DLEC1: variants seen among roughly 807,000 people sequenced by gnomAD.
DLEC1 encodes deleted in lung and esophageal cancer protein 1.
Under a neutral mutation model 198.1 loss-of-function variants are expected in DLEC1, and 146 were observed. The observed-to-expected ratio is 0.74, with a 90% CI of 0.64 to 0.85. The LOEUF (loss-of-function observed/expected upper bound fraction) is 0.85. DLEC1 is among the 40% of genes least tolerant of loss of function. DLEC1 has a pLI of 0.00. For synonymous variants in DLEC1, 897 were observed against 866.8 expected (o/e 1.03, Z -0.61); for missense variants, 2,233 against 2,220.0 (o/e 1.01, Z -0.12).
chr3:38,042,023 C>T (rs545861631), intron 1 of DLEC1, among the ~76,000 whole-genome samples: 241 of 152,030 alleles, frequency 1.6e-3, no homozygotes, highest in Non-Finnish European at 2.9e-3. Context: ...GGCAGAGTCT[C>T]GCTCTGTTGC....
In DLEC1 at chr3:38,110,771, G is replaced by GACAC. The variant is rs139450212; in HGVS notation, c.3443+507_3443+510dup. Among the ~76,000 whole-genome samples the GACAC allele has an allele frequency of 2.2e-3, 324 of 149,704 alleles. 1 individual carries two copies. Among genetic ancestry groups the GACAC allele is most frequent in the African/African-American group, 7.6e-3 (313 of 41,016 alleles). On this transcript the variant is annotated intron_variant, in intron 23 of 36. Transcript: ENST00000308059. ...CAAGATCTAGAGTGCTGCTTACACA[G>GACAC]ACACACACACACACACACACGTACA...
rs763830061 is a variant in DLEC1, at chr3:38,100,399, G to C, written c.2838G>C (p.Glu946Asp). The C allele has an allele frequency of 3.1e-6, 5 of 1,613,376 alleles. No homozygotes were observed. Among genetic ancestry groups the C allele is most frequent in the Non-Finnish European group, 4.2e-6 (5 of 1,179,880 alleles). ...GCCAGCATCTGGAGACCGTCCTGGA[G>C]CTGGAGGTGGAAAATGGTGCCTGGA... ...LHCQHLETVL[E>D]LEVENGAWSY... Residue 946 changes from glutamate to aspartate, a missense_variant, in exon 19 of 37, where the codon GAG (glutamate) becomes GAC (aspartate). Physicochemically the swap from Glu to Asp is conservative, Grantham distance 45. Transcript: ENST00000308059.
At position 38,085,267 on chromosome 3, in the gene DLEC1, T is replaced by G. The variant is rs1005324786; in HGVS notation, c.1262-7T>G. On this transcript the variant is annotated splice_polypyrimidine_tract_variant and splice_region_variant and intron_variant, in intron 7 of 36. Coordinates refer to ENST00000308059, the MANE Select transcript of DLEC1 (RefSeq NM_007335.4). ...GGATCCTCACTTGTCACTTTTGTCA[T>G]GCACAGGGATGTTCCCAGGAAAAGG... is the stretch of plus-strand genomic sequence containing the variant. The G allele has an allele frequency of 1.9e-6, 3 of 1,613,978 alleles. No individual in the cohort carries two copies. Among genetic ancestry groups the G allele is most frequent in the African/African-American group, 1.3e-5 (1 of 74,924 alleles).
intron 26 of DLEC1, 102 bp from the exon 27 acceptor site, chr3:38,114,879 CTG>C (rs1445183290): frequency 2.0e-6 from 2 of 984,578 alleles, no homozygotes; most frequent in Non-Finnish European, 3.1e-6. Flanking sequence ...GGCCAGACCA[CTG>C]TGGTATTTCC....
Position 38,084,234 on chromosome 3 carries a change from C to T in DLEC1, c.1250C>T (p.Ala417Val). 1 of 1,612,410 alleles carries T rather than the reference C, an allele frequency of 6.2e-7. No homozygotes were observed. Among genetic ancestry groups the T allele is most frequent in the Non-Finnish European group, 8.5e-7 (1 of 1,179,030 alleles). ...RVLPPSTPYF[A>V]LGLGMFPGKG... Reference sequence around the variant, plus strand: ...CTCCCGCCTTCCACGCCATACTTCGCTCTGGGACTGGGTAAGTTCAGTATT... The same window carrying T: ...CTCCCGCCTTCCACGCCATACTTCGTTCTGGGACTGGGTAAGTTCAGTATT... The change falls in exon 7 of 37, where the codon GCT becomes GTT. Residue 417 changes from alanine to valine, a missense_variant. Coordinates refer to ENST00000308059, the MANE Select transcript of DLEC1 (RefSeq NM_007335.4).
rs978953245 is a variant in DLEC1 at position 38,121,521 on chromosome 3, G to A, written c.4867-107G>A. 1.5e-5 allele frequency: 22 copies of A among 1,433,300 alleles called. No homozygotes were observed. In the East Asian group the frequency reaches 3.0e-4, roughly 20 times the overall value. The allele number at this position is 1,433,300 out of a possible 1,614,324, so 88.8% of individuals were successfully genotyped here. A position where few individuals can be genotyped will look rare whatever the true frequency, so the allele number is the denominator to read the frequency against. On this transcript the variant is annotated intron_variant, in intron 34 of 36. Coordinates refer to ENST00000308059, the MANE Select transcript of DLEC1 (RefSeq NM_007335.4). ...CCCTGCCAACTTCTGGGAGCTTCCCGTTTTCTTCAGGAGCATCAGCACTTG... is the reference window on the plus strand; with the variant it reads ...CCCTGCCAACTTCTGGGAGCTTCCCATTTTCTTCAGGAGCATCAGCACTTG...
chr3:38,059,248 AC>A (rs1187503092), intron 2 of DLEC1, among the ~76,000 whole-genome samples: 6 of 152,178 alleles, frequency 3.9e-5, no homozygotes. Flanking sequence ...AGATGAAGGG[AC>A]AGGGAAGCTC....
intron 1 of DLEC1, 126 bp downstream of exon 1, chr3:38,039,762 A>T: frequency 7.7e-7 from 1 of 1,300,372 alleles, no homozygotes; most frequent in Middle Eastern, 2.7e-4. Flanking sequence ...ACAGCCCATC[A>T]TGCCGAAGTG....
Position 38,094,872 on chromosome 3 carries a change from C to G in DLEC1, c.1920-7C>G. On this transcript the variant is annotated splice_region_variant and splice_polypyrimidine_tract_variant and intron_variant, in intron 12 of 36. Transcript: ENST00000308059. ...GGGACATGGCCTTGGATGCGTTGCC[C>G]CCACAGGCACGTGGAGCTGGCCTTC... is the stretch of plus-strand genomic sequence containing the variant. 1 of 1,613,128 alleles carries G rather than the reference C, an allele frequency of 6.2e-7. No individual in the cohort carries two copies. Among genetic ancestry groups the G allele is most frequent in the Non-Finnish European group, 8.5e-7 (1 of 1,179,554 alleles).
In DLEC1 at chr3:38,120,438, A is replaced by G; in HGVS notation, c.4705-10A>G. On this transcript the variant is annotated splice_polypyrimidine_tract_variant and intron_variant, in intron 33 of 36. Coordinates refer to ENST00000308059, the MANE Select transcript of DLEC1 (RefSeq NM_007335.4). ...CAGCCGGAGTTGACACCATGTCCACATCTGCTCAGGTGAACGTGTCCTTCT... is the reference window on the plus strand; with the variant it reads ...CAGCCGGAGTTGACACCATGTCCACGTCTGCTCAGGTGAACGTGTCCTTCT... The G allele has an allele frequency of 6.2e-7, 1 of 1,614,134 alleles. No individual in the cohort carries two copies. Among genetic ancestry groups the G allele is most frequent in the Non-Finnish European group, 8.5e-7 (1 of 1,179,982 alleles).
chr3:38,112,184 C>A lies in DLEC1; in HGVS notation c.3515-26C>A. 1 of 1,613,640 alleles carries A rather than the reference C, an allele frequency of 6.2e-7. No homozygotes were observed. Among genetic ancestry groups the A allele is most frequent in the Non-Finnish European group, 8.5e-7 (1 of 1,179,706 alleles). On this transcript the variant is annotated intron_variant, in intron 24 of 36. Transcript: ENST00000308059. The surrounding 1 kb of genome is among the most constrained non-coding windows in gnomAD (Gnocchi z 4.8). Reference sequence around the variant, plus strand: ...CACTCCCAACCCCAGGCCCGTGAATCCCCCACAGTCGCGGTTCTTTCCCAG... The same window carrying A: ...CACTCCCAACCCCAGGCCCGTGAATACCCCACAGTCGCGGTTCTTTCCCAG...
intron 2 of DLEC1, among the ~76,000 whole-genome samples, chr3:38,055,531 C>A (rs773457271): frequency 3.6e-5 from 5 of 137,836 alleles, no homozygotes; most frequent in Non-Finnish European, 7.9e-5. Context: ...GTTCAAGAAT[C>A]TGCTTATGGT....
chr3:38,095,850 C>T (rs199533520), intron 13 of DLEC1, 38 bp from the exon 14 acceptor site: 97 of 1,612,458 alleles, frequency 6.0e-5, no homozygotes, highest in Admixed American at 3.3e-4. Flanking sequence ...CCTGCTGGAA[C>T]GCAGTGGTGT....
intron 35 of DLEC1, 69 bp downstream of exon 35, chr3:38,121,850 A>C: frequency 1.3e-6 from 2 of 1,575,074 alleles, no homozygotes; most frequent in South Asian, 2.3e-5. Flanking sequence ...CCCCCCAGGA[A>C]GGGGCCCCTG....
intron 1 of DLEC1, among the ~76,000 whole-genome samples, chr3:38,043,115 G>A (rs1700734543): frequency 6.6e-6 from 1 of 152,158 alleles, no homozygotes; most frequent in Non-Finnish European, 1.5e-5. Flanking sequence ...ATGATTGAGA[G>A]CAAATGCTCT....
In DLEC1 at chr3:38,122,157, C is replaced by T. The variant is rs374490937; in HGVS notation, c.5107C>T (p.Pro1703Ser). 1 of 1,614,016 alleles carries T rather than the reference C, an allele frequency of 6.2e-7. No homozygotes were observed. The highest frequency in any genetic ancestry group is 8.5e-7 in the Non-Finnish European group (1 of 1,179,994). ...LLEARSANAP[P>S]TSIALQVFFT... is the part of the protein sequence containing the mutation. ...AGAAGCACGATCCGCCAATGCACCCCCAACCTCCATCGCCTTGCAGGTTTT... is the reference window on the plus strand; with the variant it reads ...AGAAGCACGATCCGCCAATGCACCCTCAACCTCCATCGCCTTGCAGGTTTT... Residue 1703 changes from proline to serine, a missense_variant, in exon 36 of 37, where the codon CCA (proline) becomes TCA (serine). Coordinates refer to ENST00000308059, the MANE Select transcript of DLEC1 (RefSeq NM_007335.4).
chr3:38,056,292 G>C (rs544730152), intron 2 of DLEC1, among the ~76,000 whole-genome samples: 3 of 151,990 alleles, frequency 2.0e-5, no homozygotes, highest in Non-Finnish European at 4.4e-5. Flanking sequence ...GTTAAATTTA[G>C]TGGTTTTTGG....
intron 6 of DLEC1, among the ~76,000 whole-genome samples, chr3:38,070,420 T>G (rs376222867): frequency 6.6e-6 from 1 of 152,232 alleles, no homozygotes; most frequent in African/African-American, 2.4e-5. Context: ...CCACCTTTCC[T>G]GGTTGTTGCG....
chr3:38,117,491 G>A (rs41285115), intron 31 of DLEC1, 36 bp from the exon 32 acceptor site: 69,743 of 1,613,536 alleles, frequency 0.043, 1,695 homozygotes, highest in Middle Eastern at 0.1. Flanking sequence ...GGCCCCAGGC[G>A]CCCGGCTTGC....
Sources: allele counts gnomAD v4.1 joint callset (sites outside exome capture counted in the v4.1 genomes callset), GRCh38; gene constraint gnomAD v4.1.1; non-coding constraint Gnocchi (gnomAD v3.1); transcripts MANE v1.5; gene names NCBI Gene and HGNC (gene_info 2026-07-23, HGNC 2026-07-21).